Variants in ATP6V0A1 observed in about 807,000 individuals in gnomAD.
ATP6V0A1 encodes ATPase H+ transporting V0 subunit a1.
A neutral mutation model predicts 105.4 loss-of-function variants in ATP6V0A1; 43 were observed. The ratio of observed to expected loss-of-function variants is 0.41; its 90% CI spans 0.32 to 0.53. The LOEUF (loss-of-function observed/expected upper bound fraction) is 0.53, where lower values mean the gene tolerates loss of function less well. ATP6V0A1 is among the 20% of genes least tolerant of loss of function. The pLI, the probability that ATP6V0A1 is intolerant of heterozygous loss-of-function variation, is 0.30. For missense variants in ATP6V0A1, 676 were observed against 1,051.1 expected (o/e 0.64, Z 4.93); for synonymous variants, 362 against 372.8 (o/e 0.97, Z 0.33).
intron 7 of ATP6V0A1, chr17:42,479,124 G>T (rs1007810539): frequency 6.6e-6 from 1 of 152,182 alleles, no homozygotes; most frequent in African/African-American, 2.4e-5. Flanking sequence ...TGCCTAGGCT[G>T]GTCTTGAACT....
chr17:42,480,505 G>C, intron 7 of ATP6V0A1, 162 bp from the exon 8 acceptor site: 1 of 578,138 alleles, frequency 1.7e-6, no homozygotes. Context: ...TGTTCTTGTA[G>C]TGAAGCTTAG....
chr17:42,516,724 G>T (rs766050060), intron 21 of ATP6V0A1, among the ~76,000 whole-genome samples: 3 of 152,204 alleles, frequency 2.0e-5, no homozygotes, highest in African/African-American at 4.8e-5. Context: ...GTTGCCAGAA[G>T]ATTGCTTCCT....
At chr17:42,504,588 G>A (rs1335571228) in intron 17 of ATP6V0A1, among the ~76,000 whole-genome samples, 1 of 152,196 alleles carries the variant, frequency 6.6e-6, no homozygotes, top group Admixed American at 6.5e-5. Flanking sequence ...ATGACCTGGA[G>A]GTGTCCAGGC....
At chr17:42,484,293 G>A (rs796787756) in intron 9 of ATP6V0A1, among the ~76,000 whole-genome samples, 10 of 152,248 alleles carry the variant, frequency 6.6e-5, no homozygotes, top group African/African-American at 1.9e-4. Flanking sequence ...TCCTGACCGT[G>A]TGATCTGCCT....
chr17:42,476,195 T>A (rs2088715170), intron 5 of ATP6V0A1, among the ~76,000 whole-genome samples: 1 of 152,230 alleles, frequency 6.6e-6, no homozygotes, highest in Admixed American at 6.5e-5. Context: ...CTCCATGATC[T>A]CATCTTAAAC....
At chr17:42,507,974 C>T (rs1271554757) in intron 18 of ATP6V0A1, among the ~76,000 whole-genome samples, 1 of 152,224 alleles carries the variant, frequency 6.6e-6, no homozygotes, top group Non-Finnish European at 1.5e-5. Flanking sequence ...TCACTAAGCA[C>T]AGCTTCTTCA....
rs982515393 is a variant in ATP6V0A1, at chr17:42,466,322, A to G, written c.118-107A>G. On this transcript the variant is annotated intron_variant, in intron 2 of 21. Transcript: ENST00000343619. ...AGACAGTTTTGATTAGTGTTGCATCATGCATTGACAGAAAATTAGTTTTTC... is the reference window on the plus strand; with the variant it reads ...AGACAGTTTTGATTAGTGTTGCATCGTGCATTGACAGAAAATTAGTTTTTC... 1.0e-5 allele frequency: 9 copies of G among 864,838 alleles called. No homozygotes were observed. In the Admixed American group the frequency reaches 1.4e-4, roughly 14 times the overall value. The allele number at this position is 864,838 out of a possible 1,614,324, so 53.6% of individuals were successfully genotyped here. A position where few individuals can be genotyped will look rare whatever the true frequency, so the allele number is the denominator to read the frequency against.
chr17:42,513,839 C>T, intron 19 of ATP6V0A1, 22 bp from the exon 20 acceptor site: 1 of 1,602,712 alleles, frequency 6.2e-7, no homozygotes, highest in South Asian at 1.1e-5. Context: ...TATATCTTCT[C>T]TCTGGTTTCC....
chr17:42,496,580 C>G (rs1042089281), intron 14 of ATP6V0A1: 1 of 151,936 alleles, frequency 6.6e-6, no homozygotes, highest in Non-Finnish European at 1.5e-5. Context: ...GTGGCTCATG[C>G]CTGTAATCCC....
intron 9 of ATP6V0A1, among the ~76,000 whole-genome samples, chr17:42,484,212 A>C (rs886201153): frequency 6.6e-6 from 1 of 151,202 alleles, no homozygotes; most frequent in African/African-American, 2.4e-5. Context: ...GGCCCGCCAC[A>C]CGCCCGGCTA....
chr17:42,501,409 T>C, intron 17 of ATP6V0A1, 105 bp downstream of exon 17: 3 of 808,368 alleles, frequency 3.7e-6, no homozygotes, highest in Non-Finnish European at 5.6e-6. Flanking sequence ...TATATATTCT[T>C]TTTCTTTTTC....
intron 1 of ATP6V0A1, 88 bp from the exon 2 acceptor site, chr17:42,460,760 A>G (rs1239352144): frequency 1.4e-6 from 1 of 691,898 alleles, no homozygotes; most frequent in Non-Finnish European, 2.6e-6. Context: ...GGTGTTAGAA[A>G]TGTAAATGCA....
chr17:42,515,342 C>G (rs1281446546), intron 21 of ATP6V0A1, among the ~76,000 whole-genome samples: 2 of 151,540 alleles, frequency 1.3e-5, no homozygotes, highest in Non-Finnish European at 2.9e-5. Context: ...TGGCACGTGC[C>G]TGTAATCCCA....
At position 42,495,159 on chromosome 17, in the gene ATP6V0A1, T is replaced by C. The variant is rs2091034122; in HGVS notation, c.1440T>C (p.Ser480=). Residue 480 remains serine, a synonymous_variant, in exon 13 of 22, where the codon AGT becomes AGC. Coordinates refer to ENST00000343619, the MANE Select transcript of ATP6V0A1 (RefSeq NM_001130021.3). Reference sequence around the variant, plus strand: ...TTAATATCTTTGGGTCATCCTGGAGTGTACGGCCGATGTTTACTTATAATT... The same window carrying C: ...TTAATATCTTTGGGTCATCCTGGAGCGTACGGCCGATGTTTACTTATAATT... ...KSLNIFGSSW[S]VRPMFTYNWT... The C allele has an allele frequency of 3.1e-6, 5 of 1,613,884 alleles. No homozygotes were observed. The highest frequency in any genetic ancestry group is 2.5e-6 in the Non-Finnish European group (3 of 1,179,942).
intron 17 of ATP6V0A1, among the ~76,000 whole-genome samples, chr17:42,506,175 A>T (rs1200856421): frequency 1.3e-5 from 2 of 152,214 alleles, no homozygotes; most frequent in African/African-American, 4.8e-5. Flanking sequence ...TGCATTTAAA[A>T]TTTTGATAAA....
At chr17:42,485,354 A>T (rs2089997297) in intron 9 of ATP6V0A1, among the ~76,000 whole-genome samples, 1 of 152,164 alleles carries the variant, frequency 6.6e-6, no homozygotes, top group Admixed American at 6.5e-5. Flanking sequence ...AGATTTAAAG[A>T]GCATATGTGG....
rs1045850838 is a variant in ATP6V0A1, at chr17:42,484,858, T to C, written c.810+1727T>C. Among the ~76,000 whole-genome samples the C allele has an allele frequency of 5.3e-5, 8 of 150,628 alleles. No homozygotes were observed. In the East Asian group the frequency reaches 5.8e-4, roughly 11 times the overall value. ...TTCTTTTTTCTTTTCTTTTCTTTTT[T>C]TTTTTTTTTGAGACAGAGTCTTGCT... On this transcript the variant is annotated intron_variant, in intron 9 of 21. Transcript: ENST00000343619.
intron 2 of ATP6V0A1, 52 bp from the exon 3 acceptor site, chr17:42,466,377 G>A: frequency 6.8e-7 from 1 of 1,468,838 alleles, no homozygotes; most frequent in Non-Finnish European, 9.5e-7. Context: ...TTGAGAAACA[G>A]AAGAAATAGA....
chr17:42,483,004 TAA>T, intron 8 of ATP6V0A1, 32 bp from the exon 9 acceptor site: 1 of 1,366,100 alleles, frequency 7.3e-7, no homozygotes, highest in Non-Finnish European at 9.7e-7. Flanking sequence ...TTAAATTAGA[TAA>T]GTTAAGAAAC....
Sources: gnomAD v4.1 joint callset for allele counts (sites outside exome capture counted in the v4.1 genomes callset) on GRCh38, gnomAD v4.1.1 for gene constraint, MANE v1.5 for transcripts, NCBI Gene and HGNC (gene_info 2026-07-23, HGNC 2026-07-21) for gene names.